The following SORBS2 variants were observed in gnomAD, a reference collection of about 807,000 sequenced individuals.
The protein encoded by SORBS2 is sorbin and SH3 domain-containing protein 2.
A neutral mutation model predicts 97.7 loss-of-function variants in SORBS2; 46 were observed. The ratio of observed to expected loss-of-function variants is 0.47; its 90% CI spans 0.37 to 0.60. The LOEUF is 0.60. Among genes scored for constraint, SORBS2 ranks in the 20% least tolerant of loss-of-function variants. The pLI, the probability that SORBS2 is intolerant of heterozygous loss-of-function variation, is 0.00. For synonymous variants in SORBS2, 476 were observed against 473.4 expected (o/e 1.01, Z -0.07); for missense variants, 1,316 against 1,282.3 (o/e 1.03, Z -0.40).
At chr4:185,710,289 T>C (rs972451831) in intron 2 of SORBS2, among the ~76,000 whole-genome samples, 3 of 152,240 alleles carry the variant, frequency 2.0e-5, no homozygotes, top group Admixed American at 1.3e-4. Flanking sequence ...TGTCCTTCAG[T>C]CTTGACGCCT....
chr4:185,587,505 G>A (rs1446827887), exon 15 of SORBS2: 2 of 776,618 alleles, frequency 2.6e-6, no homozygotes, highest in African/African-American at 3.4e-5. Flanking sequence ...GTGGCAGGTG[G>A]AGATGGTGAC....
chr4:185,678,471 A>G, exon 4 of SORBS2: 1 of 1,550,930 alleles, frequency 6.4e-7, no homozygotes, highest in Non-Finnish European at 8.7e-7. Flanking sequence ...CGCTTCTAAA[A>G]CCTTTTGCTG....
At chr4:185,821,275 G>A (rs898397587) in intron 1 of SORBS2, among the ~76,000 whole-genome samples, 3 of 152,216 alleles carry the variant, frequency 2.0e-5, no homozygotes, top group Non-Finnish European at 4.4e-5. Context: ...CTGAGAGGTG[G>A]AGTGGCACAG....
In SORBS2 at chr4:185,606,728, C is replaced by G; in HGVS notation, c.2796+5052G>C. 1 of 985,272 alleles carries G rather than the reference C, an allele frequency of 1.0e-6. No individual in the cohort carries two copies. The highest frequency in any genetic ancestry group is 1.2e-6 in the Non-Finnish European group (1 of 829,904). The allele number at this position is 985,272 out of a possible 1,614,324, so 61.0% of individuals were successfully genotyped here. A position where few individuals can be genotyped will look rare whatever the true frequency, so the allele number is the denominator to read the frequency against. ...AGGTGTGGGGTGCCCTCTGACCCAT[C>G]GTGGCCACACCACCAGGCGTCTCCT... is the stretch of plus-strand genomic sequence containing the variant. On this transcript the variant is annotated intron_variant, in intron 12 of 14. Coordinates refer to ENST00000418609, the Ensembl canonical transcript of SORBS2. The surrounding 1 kb of genome is among the most constrained non-coding windows in gnomAD (Gnocchi z 4.3).
chr4:185,793,182 A>G (rs571405167), intron 1 of SORBS2, among the ~76,000 whole-genome samples: 1 of 152,340 alleles, frequency 6.6e-6, no homozygotes, highest in Non-Finnish European at 1.5e-5. Flanking sequence ...CCCAAGAAAA[A>G]CACCATTAAG....
At chr4:185,868,159 C>CTTTCTT (rs59057506) in intron 1 of SORBS2, among the ~76,000 whole-genome samples, 2 of 105,222 alleles carry the variant, frequency 1.9e-5, no homozygotes, top group African/African-American at 3.9e-5. Flanking sequence ...TTTTTTCTTT[C>CTTTCTT]TTTTTTTTTT....
intron 1 of SORBS2, among the ~76,000 whole-genome samples, chr4:185,815,979 CTATT>C (rs1311470649): frequency 6.6e-6 from 1 of 152,160 alleles, no homozygotes. Context: ...GAAGACATAA[CTATT>C]TATCAGAGTT....
intron 1 of SORBS2, among the ~76,000 whole-genome samples, chr4:185,805,162 A>G (rs772866299): frequency 3.9e-5 from 6 of 152,114 alleles, no homozygotes; most frequent in Non-Finnish European, 8.8e-5. Context: ...TTTGAGCTTT[A>G]TCTATGCTTC....
intron 12 of SORBS2, among the ~76,000 whole-genome samples, chr4:185,598,542 C>G (rs1440477604): frequency 6.6e-6 from 1 of 152,134 alleles, no homozygotes; most frequent in Non-Finnish European, 1.5e-5. Context: ...CTGCAGTTAT[C>G]TCTGGAGGAT....
chr4:185,623,090 C>T lies in SORBS2; in HGVS notation c.2039G>A (p.Arg680Lys). The change falls in exon 7 of 15, where the codon AGA becomes AAA. Residue 680 changes from arginine to lysine, a missense_variant. Arg to Lys is a conservative substitution (Grantham distance 26). Coordinates refer to ENST00000418609, the Ensembl canonical transcript of SORBS2. This position sits in a 1 kb window ranked among gnomAD's most constrained non-coding sequence, Gnocchi z 6.4. ...GTGCAGGGGGCTCCTCCTCAGCGCT[C>T]TCAGGGATGAGTTCCTCTCGGGAAC... is the stretch of plus-strand genomic sequence containing the variant. 1 of 1,614,082 alleles carries T rather than the reference C, an allele frequency of 6.2e-7. No individual in the cohort carries two copies. Among genetic ancestry groups the T allele is most frequent in the Non-Finnish European group, 8.5e-7 (1 of 1,179,996 alleles).
At chr4:185,855,794 G>A (rs1346913521) in intron 1 of SORBS2, among the ~76,000 whole-genome samples, 1 of 152,144 alleles carries the variant, frequency 6.6e-6, no homozygotes, top group Non-Finnish European at 1.5e-5. Flanking sequence ...TATCTAAGAT[G>A]TTTGCTGTTG....
chr4:185,872,407 T>C (rs1038090202), intron 1 of SORBS2, among the ~76,000 whole-genome samples: 1 of 152,194 alleles, frequency 6.6e-6, no homozygotes, highest in Non-Finnish European at 1.5e-5. Flanking sequence ...ACAAGGGGGA[T>C]ACTAACACCT....
chr4:185,768,701 A>AAC (rs1322463765), intron 2 of SORBS2, among the ~76,000 whole-genome samples: 17 of 110,022 alleles, frequency 1.5e-4, no homozygotes, highest in Non-Finnish European at 2.8e-4. Context: ...TCTGTCTCAA[A>AAC]AAAAAAAAAA....
At chr4:185,877,788 T>G (rs2099234403) in intron 1 of SORBS2, among the ~76,000 whole-genome samples, 1 of 149,124 alleles carries the variant, frequency 6.7e-6, no homozygotes, top group Non-Finnish European at 1.5e-5. Context: ...GATAATTGCT[T>G]GAACCCAGGA....
chr4:185,798,299 CATAAA>C (rs1196876847), intron 1 of SORBS2, among the ~76,000 whole-genome samples: 1 of 152,278 alleles, frequency 6.6e-6, no homozygotes, highest in East Asian at 1.9e-4. Context: ...ACAACTTCAA[CATAAA>C]ATAAATAACT....
chr4:185,692,924 G>T (rs571246357), intron 2 of SORBS2, among the ~76,000 whole-genome samples: 1 of 152,236 alleles, frequency 6.6e-6, no homozygotes, highest in East Asian at 1.9e-4. Context: ...AATCACCTCA[G>T]TATATGTTTT....
chr4:185,887,218 G>A (rs1165177027), intron 1 of SORBS2, among the ~76,000 whole-genome samples: 1 of 152,242 alleles, frequency 6.6e-6, no homozygotes, highest in East Asian at 1.9e-4. Context: ...TTCAATTGAT[G>A]ATGGAAATAA....
At chr4:185,914,282 AC>A (rs1220780600) in intron 1 of SORBS2, among the ~76,000 whole-genome samples, 1 of 152,232 alleles carries the variant, frequency 6.6e-6, no homozygotes, top group African/African-American at 2.4e-5. Flanking sequence ...AAGTTCTGAA[AC>A]AAAAACCCCA....
At chr4:185,709,915 G>C (rs2098403212) in intron 2 of SORBS2, 1 of 150,348 alleles carries the variant, frequency 6.7e-6, no homozygotes, top group Non-Finnish European at 1.5e-5. Context: ...AGAAAGAGTG[G>C]AACAAGGAGT....
Sources: gnomAD v4.1 joint callset for allele counts (sites outside exome capture counted in the v4.1 genomes callset) on GRCh38, gnomAD v4.1.1 for gene constraint, Gnocchi (gnomAD v3.1) non-coding constraint, MANE v1.5 for transcripts, NCBI Gene and HGNC (gene_info 2026-07-23, HGNC 2026-07-21) for gene names.